Variants in DIP2B observed in about 807,000 individuals in gnomAD.
DIP2B encodes disco-interacting protein 2 homolog B.
A neutral mutation model predicts 198.0 loss-of-function variants in DIP2B; 76 were observed. The ratio of observed to expected loss-of-function variants is 0.38; its 90% confidence interval spans 0.32 to 0.46. The LOEUF (loss-of-function observed/expected upper bound fraction) is 0.46, where lower values mean the gene tolerates loss of function less well. DIP2B is among the 20% of genes least tolerant of loss of function. The probability of loss-of-function intolerance (pLI) is 0.99; values close to 1 mark genes in which losing one functional copy is unlikely to be tolerated. For synonymous variants in DIP2B, 701 were observed against 739.1 expected (o/e 0.95, Z 0.84); for missense variants, 1,559 against 1,978.4 (o/e 0.79, Z 4.02).
intron 3 of DIP2B, chr12:50,655,071 G>A (rs1938531894): frequency 2.3e-6 from 1 of 434,996 alleles, no homozygotes; most frequent in Non-Finnish European, 4.6e-6. Context: ...AAATATATTT[G>A]CAGGAGGCTA....
At chr12:50,668,420 G>A (rs1938793108) in intron 4 of DIP2B, among the ~76,000 whole-genome samples, 1 of 152,156 alleles carries the variant, frequency 6.6e-6, no homozygotes, top group African/African-American at 2.4e-5. Flanking sequence ...TGACACCAAA[G>A]CCATGTTTTT....
intron 1 of DIP2B, among the ~76,000 whole-genome samples, chr12:50,537,270 A>G (rs1365584577): frequency 7.6e-6 from 1 of 132,430 alleles, no homozygotes; most frequent in East Asian, 2.1e-4. Context: ...AGATTGCTTT[A>G]TAATTGTTTG....
In DIP2B at chr12:50,732,907, T is replaced by C. The variant is rs149238515; in HGVS notation, c.3981+371T>C. 2.4e-4 allele frequency among the ~76,000 whole-genome samples: 37 copies of C among 152,116 alleles called. 1 individual carries two copies. The highest frequency in any genetic ancestry group is 8.0e-4 in the African/African-American group (33 of 41,498). The stretch of plus-strand genomic sequence containing the variant: ...TTGTATCTGACCTGTTTTTCCTTTT[T>C]CTTTTTTTTTTTATTTGAGACGGAG... On this transcript the variant is annotated intron_variant, in intron 32 of 37. Transcript: ENST00000301180.
intron 2 of DIP2B, among the ~76,000 whole-genome samples, chr12:50,632,199 G>A (rs1417042052): frequency 6.6e-6 from 1 of 152,076 alleles, no homozygotes; most frequent in East Asian, 1.9e-4. Flanking sequence ...AAGTTTAGTA[G>A]AGTTGGACTG....
At chr12:50,631,201 C>G (rs147852255) in intron 2 of DIP2B, among the ~76,000 whole-genome samples, 1 of 151,282 alleles carries the variant, frequency 6.6e-6, no homozygotes, top group Non-Finnish European at 1.5e-5. Context: ...CTTTGCTCAC[C>G]GCAACCTCCA....
intron 1 of DIP2B, among the ~76,000 whole-genome samples, chr12:50,505,535 T>TC (rs1257323622): frequency 6.6e-6 from 1 of 152,078 alleles, no homozygotes; most frequent in East Asian, 1.9e-4. Flanking sequence ...AGCTGCGCCC[T>TC]CCCGCTTCTG....
Position 50,589,659 on chromosome 12 carries a change from A to G in DIP2B, c.101-36317A>G, listed in dbSNP as rs1263379449. Reference sequence around the variant, plus strand: ...AAGCTTGGTATATCTGAAGAACTGCAAGAATTGTGAGTCCAGTGAGTTAGG... The same window carrying G: ...AAGCTTGGTATATCTGAAGAACTGCGAGAATTGTGAGTCCAGTGAGTTAGG... On this transcript the variant is annotated intron_variant, in intron 1 of 37. Transcript: ENST00000301180. Among the ~76,000 whole-genome samples the G allele has an allele frequency of 2.0e-5, 3 of 152,122 alleles. No individual in the cohort carries two copies. The East Asian group carries it at 5.8e-4, about 29-fold the overall frequency.
At chr12:50,703,594 G>C (rs182969102) in intron 19 of DIP2B, among the ~76,000 whole-genome samples, 1 of 152,152 alleles carries the variant, frequency 6.6e-6, no homozygotes, top group Non-Finnish European at 1.5e-5. Context: ...ACTTGTTTCT[G>C]CAAATCTTTT....
Position 50,674,526 on chromosome 12 carries a change from A to G in DIP2B, c.693A>G (p.Ser231=), listed in dbSNP as rs146368484. 104 of 1,614,128 alleles carry G rather than the reference A, an allele frequency of 6.4e-5. No individual in the cohort carries two copies. The African/African-American group carries it at 1.0e-3, about 16-fold the overall frequency. The change falls in exon 6 of 38, where the codon TCA becomes TCG. Residue 231 remains serine, a synonymous_variant. Coordinates refer to ENST00000301180, the MANE Select transcript of DIP2B (RefSeq NM_173602.3). ...DVTTTTSSSS[S]SSSIRPANID... ...CTACAACTACCTCTTCCTCCTCATC[A>G]TCTTCCTCAATTCGCCCAGCAAACA...
chr12:50,691,008 C>G lies in DIP2B; in HGVS notation c.1552-41C>G, dbSNP rs765885396. 4 of 1,551,286 alleles carry G rather than the reference C, an allele frequency of 2.6e-6. No individual in the cohort carries two copies. In the South Asian group the frequency reaches 4.6e-5, roughly 18 times the overall value. On this transcript the variant is annotated intron_variant, in intron 12 of 37. Transcript: ENST00000301180. ...TCTAGTTTTGTCATCTGAAATAACCCATTTTATTGTGTTTCTTATGTTTCT... is the reference window on the plus strand; with the variant it reads ...TCTAGTTTTGTCATCTGAAATAACCGATTTTATTGTGTTTCTTATGTTTCT...
intron 1 of DIP2B, among the ~76,000 whole-genome samples, chr12:50,508,320 A>T (rs1481228498): frequency 6.6e-6 from 1 of 152,216 alleles, no homozygotes; most frequent in Non-Finnish European, 1.5e-5. Context: ...CACATATTTT[A>T]TTATATGCTT....
At chr12:50,556,975 G>A (rs1353316927) in intron 1 of DIP2B, among the ~76,000 whole-genome samples, 6 of 152,152 alleles carry the variant, frequency 3.9e-5, no homozygotes, top group Non-Finnish European at 7.3e-5. Context: ...CTCCCATAGT[G>A]CTGTGATTAC....
intron 1 of DIP2B, among the ~76,000 whole-genome samples, chr12:50,511,449 C>T (rs1016439054): frequency 6.6e-6 from 1 of 151,536 alleles, no homozygotes; most frequent in Non-Finnish European, 1.5e-5. Context: ...ATGTCACTAC[C>T]GTCTGGCTAA....
intron 1 of DIP2B, among the ~76,000 whole-genome samples, chr12:50,567,204 G>C (rs1958572439): frequency 6.6e-6 from 1 of 152,128 alleles, no homozygotes; most frequent in African/African-American, 2.4e-5. Context: ...GATATGTACA[G>C]AAAGATCCCA....
Position 50,625,962 on chromosome 12 carries a change from T to C in DIP2B, c.101-14T>C. 1 of 1,613,326 alleles carries C rather than the reference T, an allele frequency of 6.2e-7. No homozygotes were observed. Among genetic ancestry groups the C allele is most frequent in the Non-Finnish European group, 8.5e-7 (1 of 1,179,456 alleles). On this transcript the variant is annotated splice_polypyrimidine_tract_variant and intron_variant, in intron 1 of 37. Transcript: ENST00000301180. ...GAATAATGCATAACCTATTTCTGTT[T>C]CTTGCTATTTTAGGGGACATCACCC...
chr12:50,564,611 C>A (rs1958547719), intron 1 of DIP2B, among the ~76,000 whole-genome samples: 1 of 152,102 alleles, frequency 6.6e-6, no homozygotes, highest in Non-Finnish European at 1.5e-5. Context: ...TATGAACGCC[C>A]CCTCTGTGAA....
chr12:50,652,759 G>T (rs1173595877), intron 3 of DIP2B, among the ~76,000 whole-genome samples: 1 of 152,076 alleles, frequency 6.6e-6, no homozygotes, highest in Non-Finnish European at 1.5e-5. Flanking sequence ...ATGAACACAG[G>T]ATCTCTTTCC....
chr12:50,701,465 T>A (rs1041957436), intron 19 of DIP2B, among the ~76,000 whole-genome samples: 3 of 152,242 alleles, frequency 2.0e-5, no homozygotes, highest in Non-Finnish European at 2.9e-5. Flanking sequence ...CACTGCAACC[T>A]CTGCCTCCCG....
chr12:50,551,225 A>T (rs533312575), intron 1 of DIP2B, among the ~76,000 whole-genome samples: 26 of 152,276 alleles, frequency 1.7e-4, no homozygotes, highest in Non-Finnish European at 2.6e-4. Flanking sequence ...GGAGTTTGAG[A>T]CCAGCCTGGC....
Sources: allele counts gnomAD v4.1 joint callset (sites outside exome capture counted in the v4.1 genomes callset), GRCh38; gene constraint gnomAD v4.1.1; transcripts MANE v1.5; gene names NCBI Gene and HGNC (gene_info 2026-07-23, HGNC 2026-07-21).